Variants in ADGRG5 observed in about 807,000 individuals in gnomAD.
ADGRG5 encodes the protein adhesion G protein-coupled receptor G5.
A neutral mutation model predicts 53.2 loss-of-function variants in ADGRG5; 37 were observed. The observed-to-expected ratio is 0.70, with a 90% CI of 0.53 to 0.91. The LOEUF (loss-of-function observed/expected upper bound fraction) is 0.91. ADGRG5 is among the 40% of genes least tolerant of loss of function. The probability of loss-of-function intolerance (pLI) is 0.00; values close to 1 mark genes in which losing one functional copy is unlikely to be tolerated. For missense variants in ADGRG5, 614 were observed against 675.8 expected (o/e 0.91, Z 1.01); for synonymous variants, 277 against 290.4 (o/e 0.95, Z 0.47).
chr16:57,566,590 T>C lies in ADGRG5; in HGVS notation c.547-9T>C. 1 of 1,486,608 alleles carries C rather than the reference T, an allele frequency of 6.7e-7. No homozygotes were observed. 92.1% of individuals were successfully genotyped at this position (1,486,608 alleles called of 1,614,324 possible). A position where few individuals can be genotyped will look rare whatever the true frequency, so the allele number is the denominator to read the frequency against. ...TGCACCCTATGACTGACCCAGCATC[T>C]CCACCCAGGAAGGCTACACCCTGAC... is the stretch of plus-strand genomic sequence containing the variant. On this transcript the variant is annotated splice_polypyrimidine_tract_variant and intron_variant, in intron 6 of 11. Coordinates refer to ENST00000349457, the MANE Select transcript of ADGRG5 (RefSeq NM_001304376.3).
At chr16:57,567,651 G>A (rs1470150901) in intron 8 of ADGRG5, 60 bp downstream of exon 8, 10 of 1,575,990 alleles carry the variant, frequency 6.3e-6, no homozygotes, top group Non-Finnish European at 7.8e-6. Context: ...GCTTCCTTGT[G>A]TCCCATTTAG....
At chr16:57,569,144 C>T (rs926442662) in intron 9 of ADGRG5, among the ~76,000 whole-genome samples, 6 of 150,924 alleles carry the variant, frequency 4.0e-5, no homozygotes, top group African/African-American at 1.5e-4. Flanking sequence ...ACCTCCTCCA[C>T]CTCCATCACC....
In ADGRG5 at chr16:57,574,954, G is replaced by T. The variant is rs532410663; in HGVS notation, c.1348G>T (p.Val450Phe). The stretch of plus-strand genomic sequence containing the variant: ...GCGGGAGCGGGCGGATGCACCAAGT[G>T]TCAGGGCCTGCCATGACACTGTCAC... Reference protein sequence around the residue: ...RLRERADAPSVRACHDTVTVL... With the variant: ...RLRERADAPSFRACHDTVTVL... Residue 450 changes from valine to phenylalanine, a missense_variant, in exon 11 of 12, where the codon GTC becomes TTC. Coordinates refer to ENST00000349457, the MANE Select transcript of ADGRG5 (RefSeq NM_001304376.3). The surrounding 1 kb of genome is among the most constrained non-coding windows in gnomAD (Gnocchi z 4.4). The T allele has an allele frequency of 6.2e-6, 10 of 1,613,672 alleles. No individual in the cohort carries two copies. The African/African-American group carries it at 9.3e-5, about 15-fold the overall frequency.
chr16:57,533,457 T>C, the ADGRG5 span, among the ~76,000 whole-genome samples: 1 of 147,178 alleles, frequency 6.8e-6, no homozygotes, highest in South Asian at 2.2e-4. Flanking sequence ...CACACTCACA[T>C]ACAGCCCCAG....
chr16:57,544,853 A>G (rs1334245919), intron 1 of ADGRG5, among the ~76,000 whole-genome samples: 1 of 152,132 alleles, frequency 6.6e-6, no homozygotes, highest in Non-Finnish European at 1.5e-5. Context: ...CAGTGTCACA[A>G]TCACGGCTCC....
chr16:57,548,844 G>A (rs575871130), intron 1 of ADGRG5, among the ~76,000 whole-genome samples: 2 of 151,172 alleles, frequency 1.3e-5, no homozygotes, highest in South Asian at 4.2e-4. Flanking sequence ...GAGTGTAAAG[G>A]TATCACCATT....
chr16:57,551,140 A>G (rs182439515), intron 1 of ADGRG5, among the ~76,000 whole-genome samples: 1 of 152,342 alleles, frequency 6.6e-6, no homozygotes, highest in East Asian at 1.9e-4. Context: ...ATTGCTAAAA[A>G]GTACTAGCAA....
chr16:57,558,914 G>A (rs1385583043), intron 1 of ADGRG5, among the ~76,000 whole-genome samples: 2 of 150,028 alleles, frequency 1.3e-5, no homozygotes, highest in African/African-American at 4.9e-5. Context: ...GTGCTATCAC[G>A]GCTCACTGCA....
chr16:57,546,630 A>G (rs78759962), intron 1 of ADGRG5, among the ~76,000 whole-genome samples: 1,752 of 152,340 alleles, frequency 0.012, 29 homozygotes, highest in African/African-American at 0.037. Context: ...TTTTTATGTA[A>G]TAAAATGTAT....
At chr16:57,547,893 G>A (rs375957216) in intron 1 of ADGRG5, among the ~76,000 whole-genome samples, 71 of 152,322 alleles carry the variant, frequency 4.7e-4, no homozygotes, top group African/African-American at 1.6e-3. Context: ...AGGATTACAC[G>A]TGTGCCAACA....
In ADGRG5 at chr16:57,563,144, A is replaced by G. The variant is rs756151304; in HGVS notation, c.194A>G (p.Asn65Ser). ...MLLNTSFPGY[N>S]LTLQTPTIQS... ...CTGAACACCAGCTTCCCAGGCTACA[A>G]CCTGACCTTGCAGACACCCACCATC... The change falls in exon 4 of 12, where the codon AAC becomes AGC. Residue 65 changes from asparagine to serine, a missense_variant. Transcript: ENST00000349457. 11 of 1,613,984 alleles carry G rather than the reference A, an allele frequency of 6.8e-6. No individual in the cohort carries two copies. Among genetic ancestry groups the G allele is most frequent in the South Asian group, 1.1e-5 (1 of 91,078 alleles).
chr16:57,567,736 T>C (rs1419679401), intron 8 of ADGRG5, 120 bp from the exon 9 acceptor site: 6 of 1,416,164 alleles, frequency 4.2e-6, no homozygotes. Context: ...GTGCGACTGC[T>C]GTGGGATCCC....
Position 57,567,524 on chromosome 16 carries a change from T to G in ADGRG5, c.754T>G (p.Ser252Ala). Reference protein sequence around the residue: ...AELLAPLTYISLVGCSISIVA... With the variant: ...AELLAPLTYIALVGCSISIVA... ...GTTGCTGGCACCTCTTACGTACATC[T>G]CCCTCGTGGGCTGCAGCATCTCCAT... The change falls in exon 8 of 12, where the codon TCC (serine) becomes GCC (alanine). Residue 252 changes from serine to alanine, a missense_variant. Ser to Ala is a moderately conservative substitution (Grantham distance 99). Coordinates refer to ENST00000349457, the MANE Select transcript of ADGRG5 (RefSeq NM_001304376.3). 1 of 1,611,692 alleles carries G rather than the reference T, an allele frequency of 6.2e-7. No homozygotes were observed. Among genetic ancestry groups the G allele is most frequent in the Non-Finnish European group, 8.5e-7 (1 of 1,179,902 alleles).
intron 10 of ADGRG5, among the ~76,000 whole-genome samples, chr16:57,573,519 G>A (rs12922489): frequency 0.041 from 6,296 of 152,014 alleles, 411 homozygotes; most frequent in East Asian, 0.33. Context: ...GCTACAGTGT[G>A]GGAGTGGGCC....
At chr16:57,552,063 G>A (rs2032770554) in intron 1 of ADGRG5, among the ~76,000 whole-genome samples, 1 of 151,796 alleles carries the variant, frequency 6.6e-6, no homozygotes, top group Non-Finnish European at 1.5e-5. Flanking sequence ...CTTAACAGTG[G>A]GTTTAAAATA....
intron 8 of ADGRG5, 94 bp downstream of exon 8, chr16:57,567,685 T>C (rs1252778439): frequency 6.6e-7 from 1 of 1,504,984 alleles, no homozygotes; most frequent in Non-Finnish European, 9.1e-7. Flanking sequence ...GGTGTGCTTC[T>C]CCAGAGGGTG....
intron 1 of ADGRG5, among the ~76,000 whole-genome samples, chr16:57,547,773 A>G (rs2032654509): frequency 2.1e-5 from 3 of 144,090 alleles, no homozygotes; most frequent in Non-Finnish European, 4.6e-5. Context: ...TTTTTGGAGA[A>G]GAGTCTCACT....
upstream of ADGRG5, among the ~76,000 whole-genome samples, chr16:57,538,021 GT>G (rs1274294645): frequency 6.6e-6 from 1 of 152,156 alleles, no homozygotes; most frequent in Non-Finnish European, 1.5e-5. Context: ...CTTGCCCAGA[GT>G]TTTTGGAGGT....
chr16:57,562,146 A>T lies in ADGRG5; in HGVS notation c.53A>T (p.Asn18Ile). The T allele has an allele frequency of 1.2e-6, 2 of 1,601,998 alleles. No individual in the cohort carries two copies. The highest frequency in any genetic ancestry group is 1.7e-6 in the Non-Finnish European group (2 of 1,171,636). Residue 18 changes from asparagine to isoleucine, a missense_variant, in exon 2 of 12, where the codon AAT (asparagine) becomes ATT (isoleucine). Transcript: ENST00000349457. The part of the protein sequence containing the change: ...FLCLCLLTLQ[N>I]ATTETWEELL... The stretch of plus-strand genomic sequence containing the variant: ...TGCCTGTGCCTTCTGACTTTGCAGA[A>T]TGCAACAACAGGTAAGGGGGCTCTG...
Sources: allele counts gnomAD v4.1 joint callset (sites outside exome capture counted in the v4.1 genomes callset), GRCh38; gene constraint gnomAD v4.1.1; non-coding constraint Gnocchi (gnomAD v3.1); transcripts MANE v1.5; gene names NCBI Gene and HGNC (gene_info 2026-07-23, HGNC 2026-07-21).